SEMA3D: variants seen among roughly 807,000 people sequenced by gnomAD.
SEMA3D encodes semaphorin-3D.
A neutral mutation model predicts 100.1 loss-of-function variants in SEMA3D; 84 were observed. That is an observed-to-expected ratio of 0.84 (90% confidence interval 0.70 to 1.01). SEMA3D has a LOEUF of 1.01. SEMA3D is among the 50% of genes least tolerant of loss of function. The pLI is 0.00. For missense variants in SEMA3D, 875 were observed against 934.1 expected, an observed-to-expected ratio of 0.94 and a Z score of 0.82; for synonymous variants, 312 against 320.7, an observed-to-expected ratio of 0.97 and a Z score of 0.29.
chr7:85,202,497 TGAATAAACTAAAGAG>T, the SEMA3D span, among the ~76,000 whole-genome samples: 5 of 151,998 alleles, frequency 3.3e-5, no homozygotes, highest in African/African-American at 1.2e-4. Flanking sequence ...TTTGCTATCG[TGAATAAACTAAAGAG>T]CTTCTGCACC....
chr7:85,058,433 AT>A (rs1791382756), intron 8 of SEMA3D, among the ~76,000 whole-genome samples: 1 of 152,122 alleles, frequency 6.6e-6, no homozygotes, highest in African/African-American at 2.4e-5. Context: ...AACACTTCAG[AT>A]TTTTTATTTA....
In SEMA3D at chr7:85,186,779, C is replaced by A. The variant is rs563027029; in HGVS notation, c.-274G>T. 1.3e-5 allele frequency: 2 copies of A among 152,300 alleles called. No individual in the cohort carries two copies. Among genetic ancestry groups the A allele is most frequent in the Admixed American group, 6.5e-5 (1 of 15,306 alleles). The allele number at this position is 152,300 out of a possible 1,614,324, so 9.4% of individuals were successfully genotyped here. Reference sequence around the variant, plus strand: ...TCCAGCGGCGCGGCAACCCGGGGCACCGGCGCGCGTTCCTCTGAGCCGCAG... The same window carrying A: ...TCCAGCGGCGCGGCAACCCGGGGCAACGGCGCGCGTTCCTCTGAGCCGCAG... On this transcript the variant is annotated 5_prime_UTR_variant, in exon 1 of 19. Coordinates refer to ENST00000284136, the MANE Select transcript of SEMA3D (RefSeq NM_001384900.1).
chr7:85,224,524 G>A, the SEMA3D span, among the ~76,000 whole-genome samples: 1 of 151,918 alleles, frequency 6.6e-6, no homozygotes, highest in Non-Finnish European at 1.5e-5. Flanking sequence ...AAAAAAGTGA[G>A]GTCAAAAAAA....
At chr7:85,095,868 T>C (rs917152817) in intron 4 of SEMA3D, among the ~76,000 whole-genome samples, 1 of 152,024 alleles carries the variant, frequency 6.6e-6, no homozygotes, top group Non-Finnish European at 1.5e-5. Flanking sequence ...TTTAAAATAT[T>C]AGCACATTTC....
the SEMA3D span, among the ~76,000 whole-genome samples, chr7:85,226,744 A>G: frequency 6.6e-6 from 1 of 152,148 alleles, no homozygotes; most frequent in Non-Finnish European, 1.5e-5. Context: ...TCAAAGTTGC[A>G]TAAAAATAAT....
rs145311199 is a variant in SEMA3D at position 85,185,841 on chromosome 7, G to A, written c.-173+837C>T. Among the ~76,000 whole-genome samples the A allele has an allele frequency of 5.5e-3, 835 of 152,300 alleles. 10 individuals are homozygous for A. Among genetic ancestry groups the A allele is most frequent in the African/African-American group, 0.019 (794 of 41,586 alleles). On this transcript the variant is annotated intron_variant, in intron 1 of 18. Coordinates refer to ENST00000284136, the MANE Select transcript of SEMA3D (RefSeq NM_001384900.1). The stretch of plus-strand genomic sequence containing the variant: ...ACTCCAGGCTCGTTGGGCAGAAGCC[G>A]GGAGGAAACACCCTGGGGACCGCAC...
intron 3 of SEMA3D, among the ~76,000 whole-genome samples, chr7:85,111,324 G>C (rs1050049797): frequency 2.6e-5 from 4 of 151,970 alleles, no homozygotes; most frequent in Admixed American, 1.3e-4. Context: ...TCTCACTTAG[G>C]TGTCTAATAC....
At chr7:85,074,010 G>T (rs1791850451) in intron 5 of SEMA3D, among the ~76,000 whole-genome samples, 1 of 152,068 alleles carries the variant, frequency 6.6e-6, no homozygotes, top group Non-Finnish European at 1.5e-5. Flanking sequence ...TCTTGTTATT[G>T]TATATTATTT....
chr7:85,073,501 C>G (rs1791835074), intron 5 of SEMA3D, among the ~76,000 whole-genome samples: 1 of 152,032 alleles, frequency 6.6e-6, no homozygotes, highest in South Asian at 2.1e-4. Context: ...CCTCCTTACT[C>G]AGCCTCCTGA....
chr7:85,221,794 A>G, the SEMA3D span, among the ~76,000 whole-genome samples: 1 of 152,226 alleles, frequency 6.6e-6, no homozygotes, highest in Non-Finnish European at 1.5e-5. Context: ...TGAAGGATTA[A>G]TAGCATTGAC....
intron 9 of SEMA3D, among the ~76,000 whole-genome samples, chr7:85,045,295 G>T (rs1446404996): frequency 6.6e-6 from 1 of 151,904 alleles, no homozygotes; most frequent in Admixed American, 6.6e-5. Context: ...GTAAATTGGG[G>T]TAAGATCAAG....
chr7:85,106,409 G>A (rs1040436222), intron 3 of SEMA3D, among the ~76,000 whole-genome samples: 2 of 151,826 alleles, frequency 1.3e-5, no homozygotes, highest in Non-Finnish European at 2.9e-5. Flanking sequence ...AGACAAATAC[G>A]ACAATATGAC....
intron 3 of SEMA3D, among the ~76,000 whole-genome samples, chr7:85,110,620 T>C (rs2116363552): frequency 6.6e-6 from 1 of 152,156 alleles, no homozygotes. Context: ...TAATACATGT[T>C]CTAAATGTAC....
At chr7:85,010,261 G>A (rs982028639) in intron 17 of SEMA3D, among the ~76,000 whole-genome samples, 2 of 151,798 alleles carry the variant, frequency 1.3e-5, no homozygotes, top group African/African-American at 4.8e-5. Context: ...CTAGCGATCA[G>A]GTCAAGAAGC....
intron 4 of SEMA3D, among the ~76,000 whole-genome samples, chr7:85,092,120 G>C (rs1027900590): frequency 2.0e-5 from 3 of 152,006 alleles, no homozygotes; most frequent in Non-Finnish European, 2.9e-5. Flanking sequence ...AAACATTTTA[G>C]ATTAACCAGT....
At chr7:85,142,332 T>G in intron 2 of SEMA3D, 1 of 956,372 alleles carries the variant, frequency 1.0e-6, no homozygotes, top group Non-Finnish European at 1.2e-6. Context: ...CCAAAGTTAA[T>G]TCCATATGAA....
At chr7:85,203,786 T>C in the SEMA3D span, among the ~76,000 whole-genome samples, 1 of 151,988 alleles carries the variant, frequency 6.6e-6, no homozygotes, top group East Asian at 1.9e-4. Flanking sequence ...ACTTTACAGA[T>C]TGAGCTAGAG....
intron 4 of SEMA3D, among the ~76,000 whole-genome samples, chr7:85,092,232 G>A (rs1445062119): frequency 6.6e-6 from 1 of 151,916 alleles, no homozygotes; most frequent in African/African-American, 2.4e-5. Flanking sequence ...TATGTGATCT[G>A]TCTCATTATT....
intron 8 of SEMA3D, among the ~76,000 whole-genome samples, chr7:85,057,823 T>C (rs573909160): frequency 3.1e-3 from 474 of 152,108 alleles, no homozygotes; most frequent in Middle Eastern, 6.8e-3. Flanking sequence ...CCCAGCTACT[T>C]GGGAGGCTGA....
Sources: gnomAD v4.1 joint callset for allele counts (sites outside exome capture counted in the v4.1 genomes callset) on GRCh38, gnomAD v4.1.1 for gene constraint, MANE v1.5 for transcripts, NCBI Gene and HGNC (gene_info 2026-07-23, HGNC 2026-07-21) for gene names.